LUZP2: variants seen among roughly 807,000 people sequenced by gnomAD.
LUZP2 encodes the protein leucine zipper protein 2.
In LUZP2, 52 loss-of-function variants were observed where a neutral mutation model predicts 51.6. The ratio of observed to expected loss-of-function variants is 1.01; its 90% CI spans 0.81 to 1.27. LUZP2 has a LOEUF of 1.27. Among genes scored for constraint, LUZP2 ranks in the 50% most tolerant of loss-of-function variants. The pLI is 0.00. For synonymous variants in LUZP2, 154 were observed against 137.3 expected, an observed-to-expected ratio of 1.12 and a Z score of -0.85; for missense variants, 436 against 395.4, an observed-to-expected ratio of 1.10 and a Z score of -0.87.
intron 4 of LUZP2, among the ~76,000 whole-genome samples, chr11:24,760,829 T>C (rs759657319): frequency 2.6e-5 from 4 of 152,184 alleles, no homozygotes; most frequent in Non-Finnish European, 5.9e-5. Flanking sequence ...GTCCTCTAGA[T>C]AAATGACTCA....
intron 1 of LUZP2, among the ~76,000 whole-genome samples, chr11:24,582,205 A>G (rs1852883194): frequency 1.3e-5 from 2 of 152,066 alleles, no homozygotes; most frequent in Admixed American, 1.3e-4. Context: ...TGTAATAAAA[A>G]TATTCTTTTT....
intron 1 of LUZP2, among the ~76,000 whole-genome samples, chr11:24,711,426 G>A (rs888128665): frequency 6.6e-6 from 1 of 151,116 alleles, no homozygotes; most frequent in Non-Finnish European, 1.5e-5. Flanking sequence ...CTCCAGCCTG[G>A]GCGACAGAGC....
chr11:24,871,867 G>A (rs571480372), intron 5 of LUZP2, among the ~76,000 whole-genome samples: 6 of 152,192 alleles, frequency 3.9e-5, no homozygotes, highest in South Asian at 2.1e-4. Flanking sequence ...ATGCAGTTAC[G>A]TTAGGAAATA....
At chr11:24,974,115 T>C (rs1182031135) in intron 7 of LUZP2, among the ~76,000 whole-genome samples, 2 of 152,160 alleles carry the variant, frequency 1.3e-5, no homozygotes, top group East Asian at 1.9e-4. Context: ...ATCTGGGTGC[T>C]CCTGTATTGG....
intron 5 of LUZP2, among the ~76,000 whole-genome samples, chr11:24,881,062 T>C (rs1852451645): frequency 6.6e-6 from 1 of 152,036 alleles, no homozygotes; most frequent in South Asian, 2.1e-4. Flanking sequence ...AAGAACAGGG[T>C]TTGAAATTTG....
rs569074130 is a variant in LUZP2 at position 24,794,202 on chromosome 11, C to G, written c.396+30894C>G. Among the ~76,000 whole-genome samples, 155 of 152,170 alleles carry G rather than the reference C, an allele frequency of 1.0e-3. 1 individual carries two copies. The highest frequency in any genetic ancestry group is 3.7e-3 in the African/African-American group (152 of 41,528). On this transcript the variant is annotated intron_variant, in intron 5 of 11. Coordinates refer to ENST00000336930, the MANE Select transcript of LUZP2 (RefSeq NM_001009909.4). ...ATTTTAGAAGGAAGTGCCATTAAACCTTGACCAAGCAGAAAACAAAAATTC... is the reference window on the plus strand; with the variant it reads ...ATTTTAGAAGGAAGTGCCATTAAACGTTGACCAAGCAGAAAACAAAAATTC...
intron 5 of LUZP2, among the ~76,000 whole-genome samples, chr11:24,818,027 T>C (rs1017242207): frequency 8.5e-5 from 13 of 152,106 alleles, no homozygotes; most frequent in Admixed American, 7.9e-4. Context: ...TGTAATCAAA[T>C]AAACTATTTA....
chr11:24,557,394 G>C (rs921710644), intron 1 of LUZP2, among the ~76,000 whole-genome samples: 3 of 150,908 alleles, frequency 2.0e-5, no homozygotes, highest in African/African-American at 7.3e-5. Context: ...ATGGTTTTGA[G>C]TAAAATTATT....
At chr11:24,655,887 G>A (rs911878758) in intron 1 of LUZP2, among the ~76,000 whole-genome samples, 5 of 152,148 alleles carry the variant, frequency 3.3e-5, no homozygotes, top group East Asian at 1.9e-4. Flanking sequence ...AGTGAGATAC[G>A]AGTATGATAG....
intron 5 of LUZP2, among the ~76,000 whole-genome samples, chr11:24,813,110 T>C (rs901284203): frequency 1.7e-4 from 26 of 152,308 alleles, no homozygotes; most frequent in Non-Finnish European, 3.8e-4. Context: ...TACTGTTTTA[T>C]TTCAGACTGA....
intron 7 of LUZP2, among the ~76,000 whole-genome samples, chr11:24,974,586 TA>T (rs1855834264): frequency 6.6e-6 from 1 of 152,088 alleles, no homozygotes; most frequent in African/African-American, 2.4e-5. Context: ...ACATGTGATT[TA>T]AATATAATTT....
chr11:24,568,428 T>C (rs1852320280), intron 1 of LUZP2, among the ~76,000 whole-genome samples: 2 of 150,796 alleles, frequency 1.3e-5, no homozygotes, highest in South Asian at 2.1e-4. Context: ...GGAGAATCAC[T>C]GTAACATGAG....
At chr11:24,592,561 C>T (rs1156431479) in intron 1 of LUZP2, among the ~76,000 whole-genome samples, 2 of 151,998 alleles carry the variant, frequency 1.3e-5, no homozygotes, top group African/African-American at 4.8e-5. Flanking sequence ...TAATATATAA[C>T]TGGAAGACTT....
chr11:24,680,852 T>C (rs2133868269), intron 1 of LUZP2, among the ~76,000 whole-genome samples: 1 of 152,292 alleles, frequency 6.6e-6, no homozygotes, highest in East Asian at 1.9e-4. Flanking sequence ...GACTTCAAAG[T>C]CCATACGTTT....
chr11:25,044,447 T>C (rs944388357), intron 9 of LUZP2, among the ~76,000 whole-genome samples: 3 of 151,842 alleles, frequency 2.0e-5, no homozygotes, highest in African/African-American at 7.2e-5. Context: ...ATCTCACTGA[T>C]GGCAAAGGCA....
intron 5 of LUZP2, among the ~76,000 whole-genome samples, chr11:24,849,742 A>G (rs981200787): frequency 3.9e-5 from 6 of 152,134 alleles, no homozygotes; most frequent in African/African-American, 1.4e-4. Flanking sequence ...ACTCCCACCA[A>G]CAGTATAAAA....
chr11:24,961,438 G>A (rs1469399072), intron 7 of LUZP2, among the ~76,000 whole-genome samples: 1 of 152,054 alleles, frequency 6.6e-6, no homozygotes, highest in Non-Finnish European at 1.5e-5. Context: ...CTCCTGTATT[G>A]GGTGCATATA....
intron 1 of LUZP2, among the ~76,000 whole-genome samples, chr11:24,505,574 A>G (rs963378606): frequency 6.6e-6 from 1 of 152,180 alleles, no homozygotes; most frequent in African/African-American, 2.4e-5. Context: ...ACCAGATTGT[A>G]CATGCATTTC....
At chr11:24,998,100 C>T (rs558570122) in intron 9 of LUZP2, among the ~76,000 whole-genome samples, 248 of 152,134 alleles carry the variant, frequency 1.6e-3, no homozygotes, top group African/African-American at 5.7e-3. Context: ...CTTGGCGATG[C>T]GGGCTCTGTT....
Sources: allele counts gnomAD v4.1 joint callset (sites outside exome capture counted in the v4.1 genomes callset), GRCh38; gene constraint gnomAD v4.1.1; transcripts MANE v1.5; gene names NCBI Gene and HGNC (gene_info 2026-07-23, HGNC 2026-07-21).